DPP6: variants seen among roughly 807,000 people sequenced by gnomAD.
DPP6 encodes the protein A-type potassium channel modulatory protein DPP6.
Under a neutral mutation model 122.6 loss-of-function variants are expected in DPP6, and 69 were observed. That is an observed-to-expected ratio of 0.56 (90% CI 0.46 to 0.69). The LOEUF is 0.69. Ranked by LOEUF, DPP6 falls within the 30% of genes least tolerant of loss-of-function variation. The probability of loss-of-function intolerance (pLI) is 0.00; values close to 1 mark genes in which losing one functional copy is unlikely to be tolerated. For missense variants in DPP6, 928 were observed against 1,116.9 expected, an observed-to-expected ratio of 0.83 and a Z score of 2.41; for synonymous variants, 418 against 433.1, an observed-to-expected ratio of 0.97 and a Z score of 0.43.
chr7:154,469,911 C>T (rs1431602665), intron 2 of DPP6, among the ~76,000 whole-genome samples: 5 of 152,132 alleles, frequency 3.3e-5, no homozygotes, highest in African/African-American at 9.7e-5. Context: ...CCATCGCTGA[C>T]GGAACAGGCT....
Position 154,801,430 on chromosome 7 carries a change from A to G in DPP6, c.1375A>G (p.Lys459Glu). Residue 459 changes from lysine to glutamate, a missense_variant, in exon 13 of 26, where the codon AAA becomes GAA. By Grantham distance (56) the Lys-to-Glu change is moderately conservative (BLOSUM62 1). Transcript: ENST00000377770. ...IRAIPQGGRG[K>E]FYHITVSSSQ... ...AGCCATCCCCCAGGGAGGACGAGGG[A>G]AATTCTATCACATCACGGTGTCCTC... 1 of 1,592,382 alleles carries G rather than the reference A, an allele frequency of 6.3e-7. No homozygotes were observed. The highest frequency in any genetic ancestry group is 8.6e-7 in the Non-Finnish European group (1 of 1,168,460).
At chr7:154,035,538 T>A (rs576657191) in intron 1 of DPP6, among the ~76,000 whole-genome samples, 481 of 152,190 alleles carry the variant, frequency 3.2e-3, no homozygotes, top group African/African-American at 0.011. Flanking sequence ...GAATTACTTG[T>A]AATGGCAGTG....
intron 1 of DPP6, chr7:154,055,776 C>G (rs1800777053): frequency 1.3e-5 from 2 of 152,192 alleles, no homozygotes; most frequent in African/African-American, 4.8e-5. Flanking sequence ...CAGTCCTGAT[C>G]CCAAGGCTGG....
At chr7:154,736,823 G>C (rs1842590589) in intron 8 of DPP6, among the ~76,000 whole-genome samples, 1 of 152,202 alleles carries the variant, frequency 6.6e-6, no homozygotes, top group African/African-American at 2.4e-5. Context: ...AATTCACAGA[G>C]AGAAACTCAC....
chr7:154,831,309 A>G (rs888632452), intron 16 of DPP6, among the ~76,000 whole-genome samples: 1 of 152,176 alleles, frequency 6.6e-6, no homozygotes, highest in African/African-American at 2.4e-5. Flanking sequence ...TCACCGGTTG[A>G]CCACACAGGC....
chr7:154,026,265 A>G (rs1798951635), intron 1 of DPP6: 1 of 152,102 alleles, frequency 6.6e-6, no homozygotes, highest in East Asian at 1.9e-4. Context: ...CCACTAGCAA[A>G]GAACACCTGG....
intron 1 of DPP6, chr7:154,058,787 G>T (rs549517805): frequency 6.6e-6 from 1 of 150,772 alleles, no homozygotes; most frequent in Non-Finnish European, 1.5e-5. Flanking sequence ...CATCACAGGA[G>T]GGGGAGGCAC....
Position 154,500,528 on chromosome 7 carries a change from G to A in DPP6, c.457+25491G>A, listed in dbSNP as rs182227422. On this transcript the variant is annotated intron_variant, in intron 3 of 25. Coordinates refer to ENST00000377770, the MANE Select transcript of DPP6 (RefSeq NM_130797.4). Reference sequence around the variant, plus strand: ...AATTATGGGGGCGGATCTTTCCTGCGTTGTTCTCCTGATAGCGAATGAGTC... The same window carrying A: ...AATTATGGGGGCGGATCTTTCCTGCATTGTTCTCCTGATAGCGAATGAGTC... 1.3e-3 allele frequency among the ~76,000 whole-genome samples: 191 copies of A among 152,222 alleles called. 2 individuals carry two copies. Among genetic ancestry groups the A allele is most frequent in the Non-Finnish European group, 2.1e-3 (143 of 68,006 alleles).
intron 10 of DPP6, among the ~76,000 whole-genome samples, chr7:154,792,793 C>T (rs572243306): frequency 5.9e-5 from 9 of 152,358 alleles, no homozygotes; most frequent in African/African-American, 1.9e-4. Flanking sequence ...CCTGTGTTCA[C>T]GGGTTATGTA....
At chr7:154,045,242 CT>C (rs949626581) in intron 1 of DPP6, among the ~76,000 whole-genome samples, 1 of 149,102 alleles carries the variant, frequency 6.7e-6, no homozygotes, top group Admixed American at 6.7e-5. Flanking sequence ...TAAATGGTTT[CT>C]TTTTTTTATT....
intron 7 of DPP6, among the ~76,000 whole-genome samples, chr7:154,676,975 G>A (rs2002321): frequency 0.12 from 18,425 of 152,220 alleles, 1,203 homozygotes; most frequent in African/African-American, 0.16. Flanking sequence ...TACAAAATAT[G>A]TGGAGGATAG....
At chr7:154,138,837 G>A (rs1019999681) in intron 1 of DPP6, among the ~76,000 whole-genome samples, 3 of 151,994 alleles carry the variant, frequency 2.0e-5, no homozygotes, top group African/African-American at 7.3e-5. Flanking sequence ...AGAACATTCA[G>A]GCCATCAGAT....
At chr7:154,550,866 T>C (rs975513778) in intron 4 of DPP6, among the ~76,000 whole-genome samples, 7 of 151,448 alleles carry the variant, frequency 4.6e-5, no homozygotes, top group African/African-American at 1.7e-4. Flanking sequence ...TTCACTGGCC[T>C]CAGCCTCCTA....
At chr7:154,674,863 A>T (rs1197903505) in intron 7 of DPP6, among the ~76,000 whole-genome samples, 4 of 152,174 alleles carry the variant, frequency 2.6e-5, no homozygotes, top group Non-Finnish European at 5.9e-5. Flanking sequence ...GCCATGCTTC[A>T]CAGCTTAGAA....
the DPP6 span, among the ~76,000 whole-genome samples, chr7:153,858,714 T>C: frequency 6.6e-6 from 1 of 152,334 alleles, no homozygotes; most frequent in African/African-American, 2.4e-5. Flanking sequence ...GACCTTTTTT[T>C]CCCTTTGGCT....
intron 1 of DPP6, among the ~76,000 whole-genome samples, chr7:154,354,835 C>T (rs1053760351): frequency 9.2e-5 from 14 of 152,162 alleles, no homozygotes; most frequent in Admixed American, 2.0e-4. Context: ...CACAATGCTG[C>T]GGGCACTCTT....
Position 153,905,516 on chromosome 7 carries a change from A to G in DPP6, c.51+17782A>G, listed in dbSNP as rs972325857. Reference sequence around the variant, plus strand: ...AAGCGAATGACTCAGTGAAAGATACAATGGGTGAGAAAGATGGTTCTCTCA... The same window carrying G: ...AAGCGAATGACTCAGTGAAAGATACGATGGGTGAGAAAGATGGTTCTCTCA... On this transcript the variant is annotated intron_variant, in intron 1 of 25. Transcript: ENST00000404039. Among the ~76,000 whole-genome samples the G allele has an allele frequency of 8.5e-5, 13 of 152,226 alleles. No individual in the cohort carries two copies. The East Asian group carries it at 2.5e-3, about 29-fold the overall frequency.
intron 1 of DPP6, among the ~76,000 whole-genome samples, chr7:154,129,213 G>A (rs542260976): frequency 1.3e-5 from 2 of 152,204 alleles, no homozygotes; most frequent in East Asian, 1.9e-4. Context: ...AACATTTCCT[G>A]CAATACACTC....
rs946932994 is a variant in DPP6, at chr7:154,403,061, A to G, written c.244-43153A>G. 1.3e-5 allele frequency among the ~76,000 whole-genome samples: 2 copies of G among 152,246 alleles called. No individual in the cohort carries two copies. The highest frequency in any genetic ancestry group is 4.8e-5 in the African/African-American group (2 of 41,472). ...TAATAGCTAATTATCAGAGTTATTT[A>G]TATGACTGTGTCAGGTACCTGCCTG... is the stretch of plus-strand genomic sequence containing the variant. On this transcript the variant is annotated intron_variant, in intron 1 of 25. Transcript: ENST00000377770. This position sits in a 1 kb window ranked among gnomAD's most constrained non-coding sequence, Gnocchi z 4.1.
Sources: gnomAD v4.1 joint callset for allele counts (sites outside exome capture counted in the v4.1 genomes callset) on GRCh38, gnomAD v4.1.1 for gene constraint, Gnocchi (gnomAD v3.1) non-coding constraint, MANE v1.5 for transcripts, NCBI Gene and HGNC (gene_info 2026-07-23, HGNC 2026-07-21) for gene names.